The following RFTN1 variants were observed in gnomAD, a reference collection of about 807,000 sequenced individuals.
The protein encoded by RFTN1 is raftlin, lipid raft linker 1.
Under a neutral mutation model 46.5 loss-of-function variants are expected in RFTN1, and 26 were observed. That is an observed-to-expected ratio of 0.56 (90% CI 0.41 to 0.78). The LOEUF (loss-of-function observed/expected upper bound fraction) is 0.78, where lower values mean the gene tolerates loss of function less well. Ranked by LOEUF, RFTN1 falls within the 30% of genes least tolerant of loss-of-function variation. The pLI is 0.00. For missense variants in RFTN1, 693 were observed against 718.7 expected (o/e 0.96, Z 0.41); for synonymous variants, 261 against 284.2 (o/e 0.92, Z 0.82).
intron 2 of RFTN1, among the ~76,000 whole-genome samples, chr3:16,486,943 TTC>T (rs1472507303): frequency 6.6e-6 from 1 of 152,210 alleles, no homozygotes; most frequent in African/African-American, 2.4e-5. Context: ...CTCGCTCCTG[TTC>T]TCTCTTTCTC....
In RFTN1 at chr3:16,440,451, C is replaced by T. The variant is rs540041876; in HGVS notation, c.146-6414G>A. On this transcript the variant is annotated intron_variant, in intron 2 of 9. Transcript: ENST00000334133. The surrounding 1 kb of genome is among the most constrained non-coding windows in gnomAD (Gnocchi z 4.6). Reference sequence around the variant, plus strand: ...AACTCCTGCCCATCTTCATCCCATACCAGGGCTTTGTCCTGCTGCAGTGCA... The same window carrying T: ...AACTCCTGCCCATCTTCATCCCATATCAGGGCTTTGTCCTGCTGCAGTGCA... 6.6e-6 allele frequency among the ~76,000 whole-genome samples: 1 copy of T among 152,162 alleles called. No homozygotes were observed.
intron 3 of RFTN1, among the ~76,000 whole-genome samples, chr3:16,430,651 A>AT: frequency 6.6e-6 from 1 of 152,164 alleles, no homozygotes; most frequent in African/African-American, 2.4e-5. Context: ...AAACTTTTGC[A>AT]TTTTTTTAAA....
chr3:16,364,977 C>A (rs560612605), intron 6 of RFTN1, among the ~76,000 whole-genome samples: 5 of 152,184 alleles, frequency 3.3e-5, no homozygotes, highest in African/African-American at 1.2e-4. Context: ...TGAAAAGCCA[C>A]TGAGCTATAT....
chr3:16,424,059 T>C lies in RFTN1; in HGVS notation c.332+9792A>G, dbSNP rs1275537480. 6.6e-6 allele frequency among the ~76,000 whole-genome samples: 1 copy of C among 152,162 alleles called. No individual in the cohort carries two copies. Among genetic ancestry groups the C allele is most frequent in the Non-Finnish European group, 1.5e-5 (1 of 68,024 alleles). ...AGTGGTTTGCAGTTGTAGCCCTATGTTCTGAAACCAGCTGGGGAATTAGCA... is the reference window on the plus strand; with the variant it reads ...AGTGGTTTGCAGTTGTAGCCCTATGCTCTGAAACCAGCTGGGGAATTAGCA... On this transcript the variant is annotated intron_variant, in intron 3 of 9. Coordinates refer to ENST00000334133, the MANE Select transcript of RFTN1 (RefSeq NM_015150.2). This position sits in a 1 kb window ranked among gnomAD's most constrained non-coding sequence, Gnocchi z 4.7.
intron 4 of RFTN1, among the ~76,000 whole-genome samples, chr3:16,393,561 C>T (rs1316619352): frequency 2.0e-5 from 3 of 152,178 alleles, no homozygotes; most frequent in African/African-American, 7.2e-5. Flanking sequence ...TAAGGACTCT[C>T]TCAGTTACTT....
chr3:16,339,157 T>G (rs564144550), intron 7 of RFTN1, among the ~76,000 whole-genome samples: 69 of 152,294 alleles, frequency 4.5e-4, no homozygotes, highest in African/African-American at 1.6e-3. Context: ...TCCCTAACTT[T>G]CTCTGCCTGG....
At chr3:16,404,778 G>A (rs1559329375) in intron 4 of RFTN1, among the ~76,000 whole-genome samples, 1 of 151,972 alleles carries the variant, frequency 6.6e-6, no homozygotes, top group Non-Finnish European at 1.5e-5. Context: ...AGTCCACCTA[G>A]CCAAAGAACC....
At position 16,316,895 on chromosome 3, in the gene RFTN1, G is replaced by A. The variant is rs1205105134; in HGVS notation, c.1670C>T (p.Pro557Leu). 8.1e-6 allele frequency: 13 copies of A among 1,614,140 alleles called. No homozygotes were observed. The highest frequency in any genetic ancestry group is 3.3e-5 in the Admixed American group (2 of 60,010). ...LVGICTGHSN[P>L]GEDARDGDAE... ...ATCCCCGTCCCTGGCATCCTCTCCA[G>A]GATTGGAGTGCCCAGTGCAAATCCC... The change falls in exon 10 of 10, where the codon CCT (proline) becomes CTT (leucine). Residue 557 changes from proline (P) to leucine (L), a missense_variant. Coordinates refer to ENST00000334133, the MANE Select transcript of RFTN1 (RefSeq NM_015150.2). The surrounding 1 kb of genome is among the most constrained non-coding windows in gnomAD (Gnocchi z 4.5).
rs1258531481 is a variant in RFTN1 at position 16,348,799 on chromosome 3, A to C, written c.1146+9133T>G. ...TTTTTATGTACTCTTTCATGGATTA[A>C]GTCCAGCCCACCTGCCCCACTGGGA... On this transcript the variant is annotated intron_variant, in intron 7 of 9. Transcript: ENST00000334133. The surrounding 1 kb of genome is among the most constrained non-coding windows in gnomAD (Gnocchi z 6.3). Among the ~76,000 whole-genome samples the C allele has an allele frequency of 6.6e-6, 1 of 152,196 alleles. No homozygotes were observed. The highest frequency in any genetic ancestry group is 1.5e-5 in the Non-Finnish European group (1 of 68,038).
chr3:16,362,830 A>C (rs2072916207), intron 6 of RFTN1, among the ~76,000 whole-genome samples: 1 of 152,184 alleles, frequency 6.6e-6, no homozygotes, highest in African/African-American at 2.4e-5. Flanking sequence ...GCCGAGGTCC[A>C]GAAGAGGGAA....
rs1350539283 is a variant in RFTN1 at position 16,329,895 on chromosome 3, G to A, written c.1147-3019C>T. 6.6e-6 allele frequency among the ~76,000 whole-genome samples: 1 copy of A among 152,136 alleles called. No individual in the cohort carries two copies. Among genetic ancestry groups the A allele is most frequent in the African/African-American group, 2.4e-5 (1 of 41,418 alleles). ...TATTGGTGGCTGCATCTCGGGCCAGGTTTTCTCTGCGGGCACCCAGAGCTG... is the reference window on the plus strand; with the variant it reads ...TATTGGTGGCTGCATCTCGGGCCAGATTTTCTCTGCGGGCACCCAGAGCTG... On this transcript the variant is annotated intron_variant, in intron 7 of 9. Coordinates refer to ENST00000334133, the MANE Select transcript of RFTN1 (RefSeq NM_015150.2). The surrounding 1 kb of genome is among the most constrained non-coding windows in gnomAD (Gnocchi z 4.5).
chr3:16,326,603 GGTTAA>G (rs1329458103), intron 8 of RFTN1, among the ~76,000 whole-genome samples, 165 bp downstream of exon 8: 3 of 152,146 alleles, frequency 2.0e-5, no homozygotes. Flanking sequence ...GGGTGACGGT[GGTTAA>G]GAATGTGAAA....
chr3:16,347,623 C>T (rs2071819087), intron 7 of RFTN1: 1 of 152,240 alleles, frequency 6.6e-6, no homozygotes, highest in Non-Finnish European at 1.5e-5. Context: ...CCTCTGTGTG[C>T]ACACTCACCT....
At position 16,473,326 on chromosome 3, in the gene RFTN1, C is replaced by T. The variant is rs1057110142; in HGVS notation, c.145+20399G>A. Among the ~76,000 whole-genome samples the T allele has an allele frequency of 1.4e-4, 22 of 152,260 alleles. No homozygotes were observed. Among genetic ancestry groups the T allele is most frequent in the African/African-American group, 5.1e-4 (21 of 41,564 alleles). The stretch of plus-strand genomic sequence containing the variant: ...CATCTTATCACACCTATTGAAAAAT[C>T]CAGTAAGACTTGAAGTACCTTCCTG... On this transcript the variant is annotated intron_variant, in intron 2 of 9. Coordinates refer to ENST00000334133, the MANE Select transcript of RFTN1 (RefSeq NM_015150.2). The surrounding 1 kb of genome is among the most constrained non-coding windows in gnomAD (Gnocchi z 5.3).
chr3:16,374,324 C>T lies in RFTN1; in HGVS notation c.826+3394G>A, dbSNP rs1307798999. On this transcript the variant is annotated intron_variant, in intron 5 of 9. Coordinates refer to ENST00000334133, the MANE Select transcript of RFTN1 (RefSeq NM_015150.2). This position sits in a 1 kb window ranked among gnomAD's most constrained non-coding sequence, Gnocchi z 5.4. ...GACACAGAAGGCAGGGGCTGATGAC[C>T]GTGGGTGGGAGCTCAATAGCTGTTT... Among the ~76,000 whole-genome samples, 2 of 152,156 alleles carry T rather than the reference C, an allele frequency of 1.3e-5. No homozygotes were observed. Among genetic ancestry groups the T allele is most frequent in the Non-Finnish European group, 2.9e-5 (2 of 68,028 alleles).
At chr3:16,343,713 A>G (rs1166091462) in intron 7 of RFTN1, among the ~76,000 whole-genome samples, 1 of 152,236 alleles carries the variant, frequency 6.6e-6, no homozygotes, top group Admixed American at 6.5e-5. Flanking sequence ...TATTCAATCA[A>G]TGTTTGTTAA....
rs1426060264 is a variant in RFTN1 at position 16,338,917 on chromosome 3, C to T, written c.1147-12041G>A. 6.6e-6 allele frequency among the ~76,000 whole-genome samples: 1 copy of T among 152,218 alleles called. No homozygotes were observed. The highest frequency in any genetic ancestry group is 1.5e-5 in the Non-Finnish European group (1 of 68,034). The stretch of plus-strand genomic sequence containing the variant: ...AAAACTGTCAACGTTGTCCCCTCCA[C>T]CTGTCAGCAGTGGATTCCTAACAGC... On this transcript the variant is annotated intron_variant, in intron 7 of 9. Transcript: ENST00000334133. The surrounding 1 kb of genome is among the most constrained non-coding windows in gnomAD (Gnocchi z 5.3).
rs931130893 is a variant in RFTN1 at position 16,424,976 on chromosome 3, G to C, written c.332+8875C>G. ...CTAAGTTACTTCTGATTGACAAAGAGGAAAAAATGTCAATTTTCAATTCAA... is the reference window on the plus strand; with the variant it reads ...CTAAGTTACTTCTGATTGACAAAGACGAAAAAATGTCAATTTTCAATTCAA... On this transcript the variant is annotated intron_variant, in intron 3 of 9. Coordinates refer to ENST00000334133, the MANE Select transcript of RFTN1 (RefSeq NM_015150.2). The surrounding 1 kb of genome is among the most constrained non-coding windows in gnomAD (Gnocchi z 4.7). Among the ~76,000 whole-genome samples the C allele has an allele frequency of 1.3e-5, 2 of 151,862 alleles. No individual in the cohort carries two copies. The highest frequency in any genetic ancestry group is 2.4e-5 in the African/African-American group (1 of 41,350).
chr3:16,347,149 C>T, intron 7 of RFTN1, among the ~76,000 whole-genome samples: 1 of 152,316 alleles, frequency 6.6e-6, no homozygotes, highest in Non-Finnish European at 1.5e-5. Context: ...TGATGAAAAT[C>T]CCACTATGGC....
Sources: allele counts gnomAD v4.1 joint callset (sites outside exome capture counted in the v4.1 genomes callset), GRCh38; gene constraint gnomAD v4.1.1; non-coding constraint Gnocchi (gnomAD v3.1); transcripts MANE v1.5; gene names NCBI Gene and HGNC (gene_info 2026-07-23, HGNC 2026-07-21).